The following MLLT3 variants were observed in gnomAD, a reference collection of about 807,000 sequenced individuals.
MLLT3 encodes the protein protein AF-9.
A neutral mutation model predicts 53.2 loss-of-function variants in MLLT3; 4 were observed. That is an observed-to-expected ratio of 0.08 (90% CI 0.04 to 0.17). The LOEUF is 0.17. Among genes scored for constraint, MLLT3 ranks in the 10% least tolerant of loss-of-function variants. The pLI, the probability that MLLT3 is intolerant of heterozygous loss-of-function variation, is 1.00. For missense variants in MLLT3, 569 were observed against 684.0 expected (o/e 0.83, Z 1.87); for synonymous variants, 283 against 230.6 (o/e 1.23, Z -2.06).
At position 20,621,106 on chromosome 9, in the gene MLLT3, G is replaced by A. The variant is rs958876198; in HGVS notation, c.13-272C>T. On this transcript the variant is annotated intron_variant, in intron 1 of 10. Transcript: ENST00000380338. This position sits in a 1 kb window ranked among gnomAD's most constrained non-coding sequence, Gnocchi z 7.0. ...GGAATGTTATCCCCAGTCGGGAAGG[G>A]GGTCGGGGAAAAGAGGGAGAACACA... The A allele has an allele frequency of 3.4e-5, 20 of 584,842 alleles. No individual in the cohort carries two copies. The highest frequency in any genetic ancestry group is 6.2e-5 in the Non-Finnish European group (20 of 323,784). The allele number at this position is 584,842 out of a possible 1,614,324, so 36.2% of individuals were successfully genotyped here. A position where few individuals can be genotyped will look rare whatever the true frequency, so the allele number is the denominator to read the frequency against.
chr9:20,500,566 A>G (rs903805224), intron 2 of MLLT3, among the ~76,000 whole-genome samples: 6 of 152,176 alleles, frequency 3.9e-5, no homozygotes, highest in African/African-American at 1.4e-4. Context: ...GGAAAATTCA[A>G]TTTGCCCCAG....
At chr9:20,497,484 C>T (rs1825107464) in intron 2 of MLLT3, among the ~76,000 whole-genome samples, 1 of 152,170 alleles carries the variant, frequency 6.6e-6, no homozygotes, top group Non-Finnish European at 1.5e-5. Context: ...CACTGATCCA[C>T]TTCCTGTTCT....
intron 2 of MLLT3, among the ~76,000 whole-genome samples, chr9:20,554,946 G>A (rs1587063964): frequency 6.6e-6 from 1 of 152,196 alleles, no homozygotes; most frequent in East Asian, 1.9e-4. Context: ...CTAATGAACG[G>A]TGGAAAGAGA....
intron 5 of MLLT3, among the ~76,000 whole-genome samples, chr9:20,375,610 C>CTTT (rs1307638910): frequency 5.3e-5 from 5 of 94,838 alleles, no homozygotes; most frequent in Admixed American, 1.1e-4. Flanking sequence ...TTTTTCTTTT[C>CTTT]TTTTTTTTTT....
At chr9:20,464,601 T>C (rs1241999679) in intron 2 of MLLT3, among the ~76,000 whole-genome samples, 1 of 152,148 alleles carries the variant, frequency 6.6e-6, no homozygotes, top group African/African-American at 2.4e-5. Flanking sequence ...CTCTTTTTTA[T>C]TTTAGAATCA....
intron 8 of MLLT3, among the ~76,000 whole-genome samples, chr9:20,359,041 G>A (rs936632544): frequency 5.3e-5 from 8 of 151,048 alleles, no homozygotes; most frequent in African/African-American, 4.9e-5. Context: ...GCTACTCGCG[G>A]GGCTGAGGCA....
intron 2 of MLLT3, among the ~76,000 whole-genome samples, chr9:20,541,228 A>G (rs1818621794): frequency 6.6e-6 from 1 of 152,128 alleles, no homozygotes; most frequent in African/African-American, 2.4e-5. Flanking sequence ...GGAACTCACA[A>G]ACTTCAACAT....
intron 2 of MLLT3, among the ~76,000 whole-genome samples, chr9:20,525,409 T>C (rs575659692): frequency 6.6e-6 from 1 of 152,266 alleles, no homozygotes; most frequent in East Asian, 1.9e-4. Context: ...CGCATGAGAA[T>C]TGCTTGAACC....
At chr9:20,435,037 T>C (rs1335203316) in intron 4 of MLLT3, among the ~76,000 whole-genome samples, 2 of 152,126 alleles carry the variant, frequency 1.3e-5, no homozygotes, top group African/African-American at 4.8e-5. Context: ...GTTTTTGCCA[T>C]CCTTAGTCTT....
intron 2 of MLLT3, among the ~76,000 whole-genome samples, chr9:20,598,402 A>C (rs1820330764): frequency 6.6e-6 from 1 of 152,204 alleles, no homozygotes; most frequent in Non-Finnish European, 1.5e-5. Flanking sequence ...GAGGGCAGAG[A>C]AGCCATATGT....
intron 2 of MLLT3, among the ~76,000 whole-genome samples, chr9:20,536,553 C>CA (rs1293760708): frequency 6.6e-6 from 1 of 152,154 alleles, no homozygotes; most frequent in Non-Finnish European, 1.5e-5. Flanking sequence ...CTCTCGGAAT[C>CA]AGTCTAATGA....
At chr9:20,471,626 T>C (rs910594166) in intron 2 of MLLT3, among the ~76,000 whole-genome samples, 1 of 152,060 alleles carries the variant, frequency 6.6e-6, no homozygotes, top group African/African-American at 2.4e-5. Context: ...AAATTCAATG[T>C]AACACATTAT....
At chr9:20,408,287 T>G (rs1822635974) in intron 5 of MLLT3, among the ~76,000 whole-genome samples, 1 of 151,632 alleles carries the variant, frequency 6.6e-6, no homozygotes, top group Non-Finnish European at 1.5e-5. Context: ...TTTTTTAATC[T>G]CCTTTTTAAC....
intron 5 of MLLT3, among the ~76,000 whole-genome samples, chr9:20,375,294 A>G (rs1420153276): frequency 1.3e-5 from 2 of 152,230 alleles, no homozygotes; most frequent in East Asian, 1.9e-4. Flanking sequence ...TTCTAATCCA[A>G]TGCTATTTGT....
intron 2 of MLLT3, among the ~76,000 whole-genome samples, chr9:20,520,185 C>T (rs529032112): frequency 6.6e-6 from 1 of 152,092 alleles, no homozygotes; most frequent in East Asian, 1.9e-4. Context: ...ACAACACACA[C>T]TGGGGCCTGT....
chr9:20,434,300 G>A (rs995778159), intron 4 of MLLT3, among the ~76,000 whole-genome samples: 3 of 152,044 alleles, frequency 2.0e-5, no homozygotes, highest in Middle Eastern at 3.4e-3. Context: ...AAGTATTCAG[G>A]GACAACGGAG....
At chr9:20,530,698 G>A (rs750281364) in intron 2 of MLLT3, among the ~76,000 whole-genome samples, 1 of 152,130 alleles carries the variant, frequency 6.6e-6, no homozygotes, top group Non-Finnish European at 1.5e-5. Context: ...GGTTTTGCTT[G>A]CTCTGTAGCC....
intron 9 of MLLT3, 146 bp downstream of exon 9, chr9:20,354,662 T>C (rs1355331578): frequency 1.6e-6 from 1 of 614,682 alleles, no homozygotes; most frequent in Non-Finnish European, 2.9e-6. Context: ...TACAAAGCAC[T>C]GGGATGAAAT....
At chr9:20,351,531 T>C (rs1283702070) in intron 10 of MLLT3, among the ~76,000 whole-genome samples, 4 of 152,246 alleles carry the variant, frequency 2.6e-5, no homozygotes, top group African/African-American at 7.2e-5. Flanking sequence ...GGCTCCTTGA[T>C]CCAATGCTGT....
Sources: allele counts gnomAD v4.1 joint callset (sites outside exome capture counted in the v4.1 genomes callset), GRCh38; gene constraint gnomAD v4.1.1; non-coding constraint Gnocchi (gnomAD v3.1); transcripts MANE v1.5; gene names NCBI Gene and HGNC (gene_info 2026-07-23, HGNC 2026-07-21).